The following HS6ST3 variants were observed in gnomAD, a reference collection of about 807,000 sequenced individuals.
HS6ST3 encodes heparan-sulfate 6-O-sulfotransferase 3.
HS6ST3 carries 12 observed loss-of-function variants against 36.7 expected under a neutral mutation model. That is an observed-to-expected ratio of 0.33 (90% CI 0.21 to 0.53). The LOEUF is 0.53. HS6ST3 is among the 20% of genes least tolerant of loss of function. The pLI, the probability that HS6ST3 is intolerant of heterozygous loss-of-function variation, is 0.95. For missense variants in HS6ST3, 584 were observed against 640.9 expected, an observed-to-expected ratio of 0.91 and a Z score of 0.96; for synonymous variants, 240 against 257.5, an observed-to-expected ratio of 0.93 and a Z score of 0.65.
intron 1 of HS6ST3, among the ~76,000 whole-genome samples, chr13:96,584,040 T>C (rs943255063): frequency 6.6e-6 from 1 of 152,208 alleles, no homozygotes; most frequent in Non-Finnish European, 1.5e-5. Context: ...CCCTTCCATT[T>C]TATTTCTCTT....
At chr13:96,355,053 A>G (rs2055202768) in intron 1 of HS6ST3, among the ~76,000 whole-genome samples, 1 of 152,214 alleles carries the variant, frequency 6.6e-6, no homozygotes, top group East Asian at 1.9e-4. Context: ...CTTTGTATGA[A>G]GCAGATATAA....
chr13:96,353,223 A>G lies in HS6ST3; in HGVS notation c.707+261654A>G, dbSNP rs927364130. Among the ~76,000 whole-genome samples, 3 of 151,722 alleles carry G rather than the reference A, an allele frequency of 2.0e-5. No individual in the cohort carries two copies. The South Asian group carries it at 6.2e-4, about 32-fold the overall frequency. ...TGTGTTTTGTATTTTTAGTACAGAC[A>G]GAGTTTCACCATGTTGTCCAGGATG... On this transcript the variant is annotated intron_variant, in intron 1 of 1. Coordinates refer to ENST00000376705, the MANE Select transcript of HS6ST3 (RefSeq NM_153456.4).
At chr13:96,210,799 G>C (rs1051780202) in intron 1 of HS6ST3, among the ~76,000 whole-genome samples, 3 of 151,822 alleles carry the variant, frequency 2.0e-5, no homozygotes, top group Non-Finnish European at 2.9e-5. Flanking sequence ...TCACCATGTT[G>C]GTCAGGCTGG....
chr13:96,658,268 C>CTTCT (rs1566422902), intron 1 of HS6ST3, among the ~76,000 whole-genome samples: 2 of 76,176 alleles, frequency 2.6e-5, no homozygotes, highest in East Asian at 5.1e-4. Context: ...TCTTCTTCTT[C>CTTCT]TTTTTTTTTT....
At chr13:96,192,488 C>T (rs1013670346) in intron 1 of HS6ST3, among the ~76,000 whole-genome samples, 1 of 152,036 alleles carries the variant, frequency 6.6e-6, no homozygotes, top group African/African-American at 2.4e-5. Flanking sequence ...TTATTTCCAT[C>T]TTTGTGTCCA....
chr13:96,754,655 A>G (rs1876780037), intron 1 of HS6ST3, among the ~76,000 whole-genome samples: 1 of 152,230 alleles, frequency 6.6e-6, no homozygotes, highest in Non-Finnish European at 1.5e-5. Context: ...TTCTCAGCAC[A>G]TTGAAGATAT....
At chr13:96,461,233 C>T (rs748606992) in intron 1 of HS6ST3, among the ~76,000 whole-genome samples, 14 of 152,060 alleles carry the variant, frequency 9.2e-5, no homozygotes, top group Non-Finnish European at 1.3e-4. Context: ...ATGTGCCAGA[C>T]GTTGGGAATG....
At chr13:96,708,042 G>C (rs927732274) in intron 1 of HS6ST3, among the ~76,000 whole-genome samples, 1 of 152,174 alleles carries the variant, frequency 6.6e-6, no homozygotes, top group African/African-American at 2.4e-5. Flanking sequence ...AGGCTTTAAA[G>C]TTAGGAAATC....
At position 96,288,281 on chromosome 13, in the gene HS6ST3, A is replaced by G. The variant is rs75084929; in HGVS notation, c.707+196712A>G. Among the ~76,000 whole-genome samples, 1,196 of 152,290 alleles carry G rather than the reference A, an allele frequency of 7.9e-3. 7 individuals are homozygous for G. Among genetic ancestry groups the G allele is most frequent in the Non-Finnish European group, 0.012 (796 of 68,012 alleles). ...ATATGAATTTGTTATTGTAATTTAT[A>G]TTACATTTTTTAACCTCTGAACAAA... On this transcript the variant is annotated intron_variant, in intron 1 of 1. Transcript: ENST00000376705.
At chr13:96,325,680 T>A (rs1482868314) in intron 1 of HS6ST3, among the ~76,000 whole-genome samples, 1 of 152,204 alleles carries the variant, frequency 6.6e-6, no homozygotes, top group Non-Finnish European at 1.5e-5. Flanking sequence ...TCATGGGTAC[T>A]GAAGGACAAC....
At chr13:96,557,158 G>T (rs1249279773) in intron 1 of HS6ST3, among the ~76,000 whole-genome samples, 1 of 152,174 alleles carries the variant, frequency 6.6e-6, no homozygotes, top group Non-Finnish European at 1.5e-5. Flanking sequence ...TCAAGTACTG[G>T]ATATTTTCAC....
At chr13:96,481,024 T>C (rs139884676) in intron 1 of HS6ST3, among the ~76,000 whole-genome samples, 255 of 152,372 alleles carry the variant, frequency 1.7e-3, no homozygotes, top group African/African-American at 5.9e-3. Context: ...ATATTTTCTC[T>C]ATTTAAAAGC....
In HS6ST3 at chr13:96,244,670, G is replaced by A. The variant is rs370982186; in HGVS notation, c.707+153101G>A. On this transcript the variant is annotated intron_variant, in intron 1 of 1. Coordinates refer to ENST00000376705, the MANE Select transcript of HS6ST3 (RefSeq NM_153456.4). Reference sequence around the variant, plus strand: ...ACCTAGTTCTAGGTAATTCACAGACGTGAAGAGGATTATCCAAGCTAGTTT... The same window carrying A: ...ACCTAGTTCTAGGTAATTCACAGACATGAAGAGGATTATCCAAGCTAGTTT... Among the ~76,000 whole-genome samples, 15 of 152,170 alleles carry A rather than the reference G, an allele frequency of 9.9e-5. No individual in the cohort carries two copies. The East Asian group carries it at 1.3e-3, about 14-fold the overall frequency.
chr13:96,303,826 G>T (rs943585301), intron 1 of HS6ST3, among the ~76,000 whole-genome samples: 3 of 152,098 alleles, frequency 2.0e-5, no homozygotes, highest in Non-Finnish European at 2.9e-5. Context: ...TTTAATGACT[G>T]GAACTAGGAA....
intron 1 of HS6ST3, among the ~76,000 whole-genome samples, chr13:96,448,935 T>C (rs2055712963): frequency 7.2e-6 from 1 of 138,640 alleles, no homozygotes; most frequent in Non-Finnish European, 1.5e-5. Context: ...TTTCATTTTG[T>C]CTCACCTTTG....
Position 96,450,295 on chromosome 13 carries a change from C to T in HS6ST3, c.707+358726C>T, listed in dbSNP as rs1594782986. Among the ~76,000 whole-genome samples the T allele has an allele frequency of 3.9e-5, 6 of 152,070 alleles. No individual in the cohort carries two copies. In the South Asian group the frequency reaches 1.2e-3, roughly 32 times the overall value. On this transcript the variant is annotated intron_variant, in intron 1 of 1. Transcript: ENST00000376705. ...GATAGACTGTTACTTTCTTTTTTCC[C>T]ACTGGTATTTGCCATAGGAACTTTT...
intron 1 of HS6ST3, among the ~76,000 whole-genome samples, chr13:96,594,811 T>C (rs1481349906): frequency 6.6e-6 from 1 of 152,240 alleles, no homozygotes; most frequent in Admixed American, 6.5e-5. Flanking sequence ...TTCTTACTTT[T>C]ACCAGTAAGT....
chr13:96,334,240 G>A (rs535180701), intron 1 of HS6ST3, among the ~76,000 whole-genome samples: 2 of 152,206 alleles, frequency 1.3e-5, no homozygotes, highest in East Asian at 3.9e-4. Context: ...TTGGAGGTGG[G>A]GCCTGGTGGG....
intron 1 of HS6ST3, among the ~76,000 whole-genome samples, chr13:96,251,810 C>T (rs1461472180): frequency 6.6e-6 from 1 of 151,588 alleles, no homozygotes; most frequent in Admixed American, 6.6e-5. Context: ...TTTCTTTGAC[C>T]CATTATTTGG....
Sources: gnomAD v4.1 joint callset for allele counts (sites outside exome capture counted in the v4.1 genomes callset) on GRCh38, gnomAD v4.1.1 for gene constraint, MANE v1.5 for transcripts, NCBI Gene and HGNC (gene_info 2026-07-23, HGNC 2026-07-21) for gene names.